Variants in ASNS observed in about 807,000 individuals in gnomAD.
ASNS encodes asparagine synthetase (glutamine-hydrolyzing), also known as asparagine synthetase [glutamine-hydrolyzing].
Under a neutral mutation model 62.6 loss-of-function variants are expected in ASNS, and 37 were observed. That is an observed-to-expected ratio of 0.59 (90% CI 0.45 to 0.78). ASNS has a LOEUF of 0.78. Ranked by LOEUF, ASNS falls within the 30% of genes least tolerant of loss-of-function variation. The pLI, the probability that ASNS is intolerant of heterozygous loss-of-function variation, is 0.00. For synonymous variants in ASNS, 207 were observed against 237.9 expected (o/e 0.87, Z 1.19); for missense variants, 520 against 682.4 (o/e 0.76, Z 2.65).
chr7:97,924,024 C>G, the ASNS span, among the ~76,000 whole-genome samples: 3 of 152,078 alleles, frequency 2.0e-5, no homozygotes. Flanking sequence ...GAAGACATTT[C>G]CCTATGGTCC....
the ASNS span, chr7:97,898,641 A>G: frequency 1.7e-5 from 11 of 659,998 alleles, no homozygotes; most frequent in Non-Finnish European, 2.2e-5. Flanking sequence ...GATTTGGCAG[A>G]CTGATGGTGC....
chr7:97,921,174 T>C, the ASNS span, among the ~76,000 whole-genome samples: 1 of 152,238 alleles, frequency 6.6e-6, no homozygotes, highest in East Asian at 1.9e-4. Flanking sequence ...GGGACTCACC[T>C]GCTGCAACCC....
At chr7:97,869,611 T>C (rs1200138657) in intron 2 of ASNS, among the ~76,000 whole-genome samples, 167 bp downstream of exon 2, 1 of 152,210 alleles carries the variant, frequency 6.6e-6, no homozygotes, top group Non-Finnish European at 1.5e-5. Context: ...CCAACAGACT[T>C]TCCAGATTAC....
chr7:97,874,891 T>C (rs542601092), upstream of ASNS, among the ~76,000 whole-genome samples: 2 of 152,408 alleles, frequency 1.3e-5, no homozygotes, highest in South Asian at 4.1e-4. Context: ...ATGAAGTCAA[T>C]TGTGCCTGTT....
At chr7:97,911,329 C>T in the ASNS span, among the ~76,000 whole-genome samples, 51 of 152,246 alleles carry the variant, frequency 3.3e-4, no homozygotes, top group Middle Eastern at 3.4e-3. Flanking sequence ...GAAAAGTTTT[C>T]ATAACAATAA....
upstream of ASNS, among the ~76,000 whole-genome samples, chr7:97,876,653 C>T (rs1300843590): frequency 6.6e-6 from 1 of 151,964 alleles, no homozygotes; most frequent in African/African-American, 2.4e-5. Flanking sequence ...CTCTCGATCT[C>T]TTGACCTCAT....
the ASNS span, among the ~76,000 whole-genome samples, chr7:97,909,428 C>G: frequency 1.6e-3 from 212 of 133,832 alleles, no homozygotes; most frequent in Middle Eastern, 0.012. Context: ...CCTGCCTCGG[C>G]CTCCTGAGTA....
chr7:97,868,853 A>C, intron 3 of ASNS, 55 bp downstream of exon 3: 1 of 1,598,316 alleles, frequency 6.3e-7, no homozygotes. Context: ...CATCATCGTA[A>C]CCAACAAACT....
chr7:97,856,945 A>C (rs1415195532), intron 7 of ASNS, 129 bp from the exon 8 acceptor site: 1 of 1,003,318 alleles, frequency 1.0e-6, no homozygotes, highest in African/African-American at 1.6e-5. Flanking sequence ...AAAAAAAGAA[A>C]AATGACTTTA....
the ASNS span, among the ~76,000 whole-genome samples, chr7:97,880,133 CT>C: frequency 0.73 from 107,372 of 146,584 alleles, 40,307 homozygotes; most frequent in African/African-American, 0.92. Context: ...TCATCTCTGT[CT>C]TTTTTTTTTT....
At chr7:97,879,278 A>G in the ASNS span, among the ~76,000 whole-genome samples, 1 of 152,198 alleles carries the variant, frequency 6.6e-6, no homozygotes, top group Admixed American at 6.5e-5. Flanking sequence ...ATGGCAACAA[A>G]AGCCAAAATT....
At chr7:97,898,084 A>AGCGCGGATACTAT in the ASNS span, among the ~76,000 whole-genome samples, 3 of 151,816 alleles carry the variant, frequency 2.0e-5, no homozygotes, top group Non-Finnish European at 4.4e-5. Flanking sequence ...CATGCCACCA[A>AGCGCGGATACTAT]GCGCGGATAC....
At chr7:97,857,474 A>G (rs1452453490) in intron 7 of ASNS, among the ~76,000 whole-genome samples, 1 of 152,096 alleles carries the variant, frequency 6.6e-6, no homozygotes, top group Non-Finnish European at 1.5e-5. Flanking sequence ...CTTACTTTAC[A>G]TGAATTATAT....
chr7:97,911,766 T>C, the ASNS span, among the ~76,000 whole-genome samples: 1 of 151,924 alleles, frequency 6.6e-6, no homozygotes, highest in East Asian at 1.9e-4. Context: ...ACACAAGGAA[T>C]AAGGAGGGAG....
chr7:97,927,648 C>T, the ASNS span, among the ~76,000 whole-genome samples: 2 of 152,278 alleles, frequency 1.3e-5, no homozygotes, highest in African/African-American at 4.8e-5. Flanking sequence ...AATAAAGTTT[C>T]CTGATGTTAC....
chr7:97,862,591 G>A (rs1791774828), intron 4 of ASNS, among the ~76,000 whole-genome samples: 1 of 152,206 alleles, frequency 6.6e-6, no homozygotes, highest in East Asian at 1.9e-4. Context: ...AACACAAAGA[G>A]TGAACCCTTA....
intron 1 of ASNS, 163 bp downstream of exon 1, chr7:97,872,188 C>T (rs1792307597): frequency 6.6e-6 from 1 of 152,398 alleles, no homozygotes; most frequent in South Asian, 2.1e-4. Context: ...CCCCGCCCTC[C>T]CTACCGCAGG....
chr7:97,911,132 T>A, the ASNS span, among the ~76,000 whole-genome samples: 2 of 152,298 alleles, frequency 1.3e-5, no homozygotes, highest in African/African-American at 4.8e-5. Flanking sequence ...TGCCCTCATG[T>A]TTTTAGAGGG....
At position 97,854,204 on chromosome 7, in the gene ASNS, A is replaced by G. The variant is rs1205341813; in HGVS notation, c.1238+376T>C. On this transcript the variant is annotated intron_variant, in intron 10 of 12. Transcript: ENST00000394308. ...CACTACTTGTCACATGATGTTTACG[A>G]TCTTTACTTCTCTTTAAAACACTTA... Among the ~76,000 whole-genome samples the G allele has an allele frequency of 2.6e-5, 4 of 152,162 alleles. 1 individual carries two copies. Among genetic ancestry groups the G allele is most frequent in the Non-Finnish European group, 5.9e-5 (4 of 68,042 alleles).
Sources: allele counts gnomAD v4.1 joint callset (sites outside exome capture counted in the v4.1 genomes callset), GRCh38; gene constraint gnomAD v4.1.1; transcripts MANE v1.5; gene names NCBI Gene and HGNC (gene_info 2026-07-23, HGNC 2026-07-21).